DDHD2: variants seen among roughly 807,000 people sequenced by gnomAD.
DDHD2 encodes DDHD domain containing 2, also known as triacylglycerol hydrolase DDHD2.
DDHD2 carries 62 observed loss-of-function variants against 91.2 expected under a neutral mutation model. The observed-to-expected ratio is 0.68, with a 90% CI of 0.55 to 0.84. The LOEUF (loss-of-function observed/expected upper bound fraction) is 0.84, where lower values mean the gene tolerates loss of function less well. DDHD2 is among the 40% of genes least tolerant of loss of function. The pLI is 0.00. For missense variants in DDHD2, 740 were observed against 846.9 expected (o/e 0.87, Z 1.57); for synonymous variants, 271 against 293.9 (o/e 0.92, Z 0.80).
At chr8:38,248,534 A>G (rs1805835541) in intron 10 of DDHD2, among the ~76,000 whole-genome samples, 1 of 152,180 alleles carries the variant, frequency 6.6e-6, no homozygotes, top group African/African-American at 2.4e-5. Context: ...TTACTGGGGA[A>G]GACACATGTT....
chr8:38,233,374 G>A (rs926844300), intron 2 of DDHD2, among the ~76,000 whole-genome samples, 160 bp downstream of exon 2: 1 of 152,042 alleles, frequency 6.6e-6, no homozygotes, highest in African/African-American at 2.4e-5. Flanking sequence ...CTAATACCTA[G>A]CCAATCAATA....
chr8:38,237,657 A>G (rs1804908015), intron 4 of DDHD2, 30 bp downstream of exon 4: 1 of 1,337,134 alleles, frequency 7.5e-7, no homozygotes, highest in Admixed American at 2.2e-5. Flanking sequence ...TTGTCGGGAT[A>G]AAAAGTTAAT....
chr8:38,239,886 C>T lies in DDHD2; in HGVS notation c.623-389C>T, dbSNP rs563423395. Among the ~76,000 whole-genome samples the T allele has an allele frequency of 5.3e-5, 8 of 150,978 alleles. No individual in the cohort carries two copies. The South Asian group carries it at 8.5e-4, about 16-fold the overall frequency. On this transcript the variant is annotated intron_variant, in intron 5 of 17. Coordinates refer to ENST00000397166, the MANE Select transcript of DDHD2 (RefSeq NM_015214.3). ...GATTACAGGCATGTGCCACCACACC[C>T]GGCTAATTTTGTATTTTTAGTAGAG...
downstream of DDHD2, chr8:38,267,712 GCCCAGGTGTCA>G: frequency 5.9e-6 from 4 of 676,174 alleles, no homozygotes; most frequent in East Asian, 1.1e-4. Context: ...GCAGAAAAGA[GCCCAGGTGTCA>G]CCTGGAGGAC....
At position 38,261,855 on chromosome 8, in the gene DDHD2, T is replaced by C. The variant is rs956869216; in HGVS notation, c.*1282T>C. 1 of 152,324 alleles carries C rather than the reference T, an allele frequency of 6.6e-6. No homozygotes were observed. Among genetic ancestry groups the C allele is most frequent in the African/African-American group, 2.4e-5 (1 of 41,566 alleles). The allele number at this position is 152,324 out of a possible 1,614,324, so 9.4% of individuals were successfully genotyped here. A position where few individuals can be genotyped will look rare whatever the true frequency, so the allele number is the denominator to read the frequency against. On this transcript the variant is annotated 3_prime_UTR_variant, in exon 18 of 18. Coordinates refer to ENST00000397166, the MANE Select transcript of DDHD2 (RefSeq NM_015214.3). ...TTCTCTTTATGATAATCCTTTATAC[T>C]TGCTCTCAGATTCCACAGGCCTCTG...
Position 38,240,280 on chromosome 8 carries a change from C to T in DDHD2, c.628C>T (p.Pro210Ser). Residue 210 changes from proline (P) to serine (S), a missense_variant, in exon 6 of 18, where the codon CCT becomes TCT. Coordinates refer to ENST00000397166, the MANE Select transcript of DDHD2 (RefSeq NM_015214.3). ...NISVDIHCGEPLQIDHLVFVV... is the reference protein window; with the variant it reads ...NISVDIHCGESLQIDHLVFVV... ...CTTTTTAATTTCATTTATAGGAGAA[C>T]CTTTACAAATAGATCACTTGGTTTT... 7.5e-6 allele frequency: 12 copies of T among 1,598,384 alleles called. No homozygotes were observed. Among genetic ancestry groups the T allele is most frequent in the Non-Finnish European group, 1.0e-5 (12 of 1,167,884 alleles).
intron 1 of DDHD2, chr8:38,269,270 G>C (rs1808323970): frequency 1.0e-5 from 14 of 1,340,362 alleles, no homozygotes; most frequent in Non-Finnish European, 1.3e-5. Flanking sequence ...CCGGGAACTG[G>C]GCACCGCCCC....
chr8:38,271,431 G>GCC (rs1289588804), downstream of DDHD2: 1 of 151,938 alleles, frequency 6.6e-6, no homozygotes, highest in Non-Finnish European at 1.5e-5. Flanking sequence ...GAGAAAGGGG[G>GCC]TTCCCTTTCT....
At chr8:38,237,028 A>G (rs530365244) in intron 3 of DDHD2, among the ~76,000 whole-genome samples, 1 of 152,236 alleles carries the variant, frequency 6.6e-6, no homozygotes, top group African/African-American at 2.4e-5. Flanking sequence ...TGATGGAATT[A>G]GGAGTATTTT....
At chr8:38,246,469 TAGAA>T (rs1194903563) in intron 9 of DDHD2, among the ~76,000 whole-genome samples, 169 bp downstream of exon 9, 1 of 152,266 alleles carries the variant, frequency 6.6e-6, no homozygotes. Context: ...TCTTGGATGA[TAGAA>T]GGAAGATAGT....
At chr8:38,264,501 G>A (rs891716019), downstream of DDHD2, 8 of 1,555,782 alleles carry the variant, frequency 5.1e-6, no homozygotes, top group African/African-American at 2.7e-5. Flanking sequence ...GTACAAGTTT[G>A]TCTTGAAATG....
In DDHD2 at chr8:38,262,797, C is replaced by A. The variant is rs892702748; in HGVS notation, c.*2224C>A. Reference sequence around the variant, plus strand: ...GACTAGTGGCCTACTTTTACCTGGACTCACCCGTCTCAAAGTCAAGAAAAT... The same window carrying A: ...GACTAGTGGCCTACTTTTACCTGGAATCACCCGTCTCAAAGTCAAGAAAAT... On this transcript the variant is annotated 3_prime_UTR_variant, in exon 18 of 18. Coordinates refer to ENST00000397166, the MANE Select transcript of DDHD2 (RefSeq NM_015214.3). The A allele has an allele frequency of 3.9e-5, 6 of 152,134 alleles. No individual in the cohort carries two copies. Among genetic ancestry groups the A allele is most frequent in the Non-Finnish European group, 1.5e-5 (1 of 68,008 alleles). The allele number at this position is 152,134 out of a possible 1,614,324, so 9.4% of individuals were successfully genotyped here. A position where few individuals can be genotyped will look rare whatever the true frequency, so the allele number is the denominator to read the frequency against.
At chr8:38,256,112 CAACTT>C (rs1313260838) in intron 16 of DDHD2, among the ~76,000 whole-genome samples, 3 of 152,054 alleles carry the variant, frequency 2.0e-5, no homozygotes, top group Non-Finnish European at 2.9e-5. Flanking sequence ...TCACTACAAT[CAACTT>C]AACATATTCA....
chr8:38,269,236 G>A (rs1376199997), intron 1 of DDHD2: 2 of 1,434,572 alleles, frequency 1.4e-6, no homozygotes, highest in Middle Eastern at 2.5e-4. Context: ...CGCTGACGTG[G>A]CCACCTCCGC....
intron 2 of DDHD2, among the ~76,000 whole-genome samples, chr8:38,234,078 T>G (rs906224092): frequency 2.6e-5 from 4 of 152,190 alleles, no homozygotes; most frequent in Admixed American, 2.0e-4. Context: ...TTAATTTACC[T>G]TATGGTTCCT....
downstream of DDHD2, chr8:38,267,614 G>GCAAA: frequency 1.6e-6 from 1 of 630,290 alleles, no homozygotes; most frequent in African/African-American, 1.8e-5. Flanking sequence ...ACTTTTTAGG[G>GCAAA]CAAACAGCAA....
chr8:38,267,135 T>C, downstream of DDHD2: 2 of 1,547,986 alleles, frequency 1.3e-6, no homozygotes, highest in Non-Finnish European at 1.7e-6. Flanking sequence ...AACTGTGGAG[T>C]TACTAAAGAA....
chr8:38,234,704 T>A, intron 3 of DDHD2, 120 bp downstream of exon 3: 1 of 722,938 alleles, frequency 1.4e-6, no homozygotes, highest in Non-Finnish European at 2.2e-6. Context: ...TGCATCACAT[T>A]ATAAAACATA....
At position 38,245,777 on chromosome 8, in the gene DDHD2, G is replaced by A. The variant is rs561561545; in HGVS notation, c.884G>A (p.Arg295His). 2 of 1,613,976 alleles carry A rather than the reference G, an allele frequency of 1.2e-6. No homozygotes were observed. The highest frequency in any genetic ancestry group is 1.1e-5 in the South Asian group (1 of 91,086). Residue 295 changes from arginine to histidine, a missense_variant, in exon 8 of 18, where the codon CGC (arginine) becomes CAC (histidine). By Grantham distance (29) the Arg-to-His change is conservative. Transcript: ENST00000397166. ...LQRITLPSIN[R>H]LRHFTNDTIL... ...CGAATAACCCTGCCCAGCATTAACC[G>A]CCTCAGGCACTTCACCAATGACACA...
Sources: allele counts gnomAD v4.1 joint callset (sites outside exome capture counted in the v4.1 genomes callset), GRCh38; gene constraint gnomAD v4.1.1; transcripts MANE v1.5; gene names NCBI Gene and HGNC (gene_info 2026-07-23, HGNC 2026-07-21).